The following COG1 variants were observed in gnomAD, a reference collection of about 807,000 sequenced individuals.
COG1 encodes the protein conserved oligomeric Golgi complex subunit 1.
COG1 carries 61 observed loss-of-function variants against 102.2 expected under a neutral mutation model. The observed-to-expected ratio is 0.60, with a 90% CI of 0.49 to 0.74. COG1 has a LOEUF of 0.74. Among genes scored for constraint, COG1 ranks in the 30% least tolerant of loss-of-function variants. COG1 has a pLI of 0.00. For synonymous variants in COG1, 454 were observed against 493.6 expected (o/e 0.92, Z 1.06); for missense variants, 1,164 against 1,232.1 (o/e 0.94, Z 0.83).
At position 73,203,149 on chromosome 17, in the gene COG1, G is replaced by T; in HGVS notation, c.2220+3G>T. ...CCAAGATCCGACTCCCTGCACAGGT[G>T]AGCAGGGACCATGGGCTGAAAAAGG... On this transcript the variant is annotated splice_donor_region_variant and intron_variant, in intron 8 of 13. Coordinates refer to ENST00000299886, the MANE Select transcript of COG1 (RefSeq NM_018714.3). 6.2e-7 allele frequency: 1 copy of T among 1,614,110 alleles called. No homozygotes were observed. Among genetic ancestry groups the T allele is most frequent in the South Asian group, 1.1e-5 (1 of 91,056 alleles).
In COG1 at chr17:73,207,181, G is replaced by T; in HGVS notation, c.2730G>T (p.Arg910Ser). 6.2e-7 allele frequency: 1 copy of T among 1,612,694 alleles called. No individual in the cohort carries two copies. The highest frequency in any genetic ancestry group is 8.5e-7 in the Non-Finnish European group (1 of 1,179,608). The change falls in exon 13 of 14, where the codon AGG (arginine) becomes AGT (serine). Residue 910 changes from arginine (R) to serine (S), a missense_variant and splice_region_variant. Coordinates refer to ENST00000299886, the MANE Select transcript of COG1 (RefSeq NM_018714.3). ...TAAATTCTTTCCTCTTGTTTTGGAG[G>T]TTTGGACTTCTCCCACTGAGCATGA... ...NILPLASSQIRFGLLPLSMTS... is the reference protein window; with the variant it reads ...NILPLASSQISFGLLPLSMTS...
intron 9 of COG1, chr17:73,205,099 G>T (rs1225356659): frequency 4.5e-6 from 1 of 223,216 alleles, no homozygotes; most frequent in East Asian, 1.2e-4. Context: ...GGAGGTGGAG[G>T]TTGCAGTGAG....
intron 9 of COG1, chr17:73,205,295 C>T (rs1040290853): frequency 2.9e-5 from 14 of 478,482 alleles, no homozygotes; most frequent in African/African-American, 2.5e-4. Flanking sequence ...TTTTTTTCCC[C>T]TTTAGAACAA....
At chr17:73,207,108 A>G in intron 12 of COG1, 73 bp from the exon 13 acceptor site, 1 of 1,261,678 alleles carries the variant, frequency 7.9e-7, no homozygotes, top group Non-Finnish European at 1.1e-6. Flanking sequence ...AAAAAAAAAA[A>G]AAAAAATGAG....
intron 1 of COG1, among the ~76,000 whole-genome samples, chr17:73,196,145 C>T (rs1044353479): frequency 1.3e-5 from 2 of 152,156 alleles, no homozygotes; most frequent in African/African-American, 2.4e-5. Context: ...TAAAAGTTGC[C>T]TCCAGCCCTT....
In COG1 at chr17:73,208,248, C is replaced by T. The variant is rs189587565; in HGVS notation, c.2806-66C>T. 260 of 1,609,616 alleles carry T rather than the reference C, an allele frequency of 1.6e-4. 2 individuals are homozygous for T. The African/African-American group carries it at 3.0e-3, about 19-fold the overall frequency. The stretch of plus-strand genomic sequence containing the variant: ...CGTGTGGACTCCGAGTGGCGTCGCG[C>T]GGAGGGCGAGTGGGCAGGAGGGCTC... On this transcript the variant is annotated intron_variant, in intron 13 of 13. Coordinates refer to ENST00000299886, the MANE Select transcript of COG1 (RefSeq NM_018714.3).
chr17:73,205,965 G>A, intron 10 of COG1, 189 bp from the exon 11 acceptor site: 1 of 682,328 alleles, frequency 1.5e-6, no homozygotes, highest in Admixed American at 2.2e-5. Context: ...CAGAACGGGG[G>A]AAAGGGTGGA....
In COG1 at chr17:73,193,082, G is replaced by C; in HGVS notation, c.13G>C (p.Ala5Pro). 6.5e-7 allele frequency: 1 copy of C among 1,545,282 alleles called. No individual in the cohort carries two copies. The highest frequency in any genetic ancestry group is 8.8e-7 in the Non-Finnish European group (1 of 1,135,558). Residue 5 changes from alanine (A) to proline (P), a missense_variant, in exon 1 of 14, where the codon GCA becomes CCA. Physicochemically the swap from Ala to Pro is conservative, Grantham distance 27. Coordinates refer to ENST00000299886, the MANE Select transcript of COG1 (RefSeq NM_018714.3). ...TGACGAGTGCACCATGGCCACCGCG[G>C]CAACCTCACCCGCGCTGAAGCGGCT... The part of the protein sequence containing the change: MATA[A>P]TSPALKRLDL...
At chr17:73,194,420 C>T (rs1401114545) in intron 1 of COG1, among the ~76,000 whole-genome samples, 7 of 124,822 alleles carry the variant, frequency 5.6e-5, no homozygotes, top group Non-Finnish European at 3.5e-5. Flanking sequence ...CCAGCCTGGG[C>T]CACAGAGCGA....
At chr17:73,202,301 T>G (rs2061350549) in intron 7 of COG1, among the ~76,000 whole-genome samples, 1 of 152,040 alleles carries the variant, frequency 6.6e-6, no homozygotes. Flanking sequence ...ATCGCACCAC[T>G]GCACTCTAGC....
intron 11 of COG1, 136 bp from the exon 12 acceptor site, chr17:73,206,572 G>A: frequency 1.4e-6 from 1 of 730,724 alleles, no homozygotes; most frequent in Non-Finnish European, 2.4e-6. Context: ...TAATCGTGAA[G>A]CATAAATGCA....
chr17:73,196,836 G>A, intron 2 of COG1, 64 bp from the exon 3 acceptor site: 1 of 1,613,560 alleles, frequency 6.2e-7, no homozygotes, highest in East Asian at 2.2e-5. Context: ...CTTTCCTGAT[G>A]TACCAAAGCT....
In COG1 at chr17:73,201,583, C is replaced by T. The variant is rs771942320; in HGVS notation, c.1756C>T (p.Arg586Trp). The T allele has an allele frequency of 9.3e-6, 15 of 1,614,066 alleles. No individual in the cohort carries two copies. Among genetic ancestry groups the T allele is most frequent in the East Asian group, 8.9e-5 (4 of 44,896 alleles). The change falls in exon 7 of 14, where the codon CGG becomes TGG. Residue 586 changes from arginine to tryptophan, a missense_variant. Arg to Trp is a moderately radical substitution (Grantham distance 101). Transcript: ENST00000299886. Reference protein sequence around the residue: ...ACIKHIVDCIRAELQSIEEGV... With the variant: ...ACIKHIVDCIWAELQSIEEGV... ...CATCAAGCACATCGTGGACTGCATC[C>T]GGGCAGAGCTACAGAGCATTGAAGA...
In COG1 at chr17:73,203,003, T is replaced by C. The variant is rs1429173631; in HGVS notation, c.2077T>C (p.Leu693=). ...GATATCTGCCTTTTATTACCAGGTT[T>C]TGATTCATGGATTCACCCAGTCATT... The part of the protein sequence containing the change: ...QVWSSAVVKV[L]IHGFTQSLLL... Residue 693 remains leucine, a synonymous_variant, in exon 8 of 14, where the codon TTG becomes CTG. Transcript: ENST00000299886. 2.5e-6 allele frequency: 4 copies of C among 1,614,164 alleles called. No homozygotes were observed. The highest frequency in any genetic ancestry group is 3.4e-6 in the Non-Finnish European group (4 of 1,180,014).
At chr17:73,202,772 C>A (rs1203641534) in intron 7 of COG1, among the ~76,000 whole-genome samples, 1 of 151,988 alleles carries the variant, frequency 6.6e-6, no homozygotes, top group African/African-American at 2.4e-5. Flanking sequence ...GGGAGAAGGG[C>A]AAGACCCTGT....
chr17:73,204,554 C>CTTTTT (rs575425786), intron 9 of COG1, among the ~76,000 whole-genome samples: 9 of 95,888 alleles, frequency 9.4e-5, no homozygotes, highest in African/African-American at 1.2e-4. Flanking sequence ...TCATTAGTAA[C>CTTTTT]TTTTTTTTTT....
At chr17:73,206,359 C>A in intron 11 of COG1, 97 bp downstream of exon 11, 1 of 949,734 alleles carries the variant, frequency 1.1e-6, no homozygotes, top group Non-Finnish European at 1.7e-6. Context: ...CAGGATGCAG[C>A]ATAGGGAGGG....
chr17:73,202,905 C>A, intron 7 of COG1, 95 bp from the exon 8 acceptor site: 1 of 1,337,346 alleles, frequency 7.5e-7, no homozygotes, highest in Non-Finnish European at 1.1e-6. Context: ...ACAACTTCAG[C>A]AGCTTGAGCT....
chr17:73,208,237 G>C, intron 13 of COG1, 77 bp from the exon 14 acceptor site: 1 of 1,607,530 alleles, frequency 6.2e-7, no homozygotes, highest in Non-Finnish European at 8.5e-7. Flanking sequence ...TGGACTCCGA[G>C]TGGCGTCGCG....
Sources: allele counts gnomAD v4.1 joint callset (sites outside exome capture counted in the v4.1 genomes callset), GRCh38; gene constraint gnomAD v4.1.1; transcripts MANE v1.5; gene names NCBI Gene and HGNC (gene_info 2026-07-23, HGNC 2026-07-21).